PLCG1: variants seen among roughly 807,000 people sequenced by gnomAD.
The protein encoded by PLCG1 is phospholipase C gamma 1, also known as 1-phosphatidylinositol 4,5-bisphosphate phosphodiesterase gamma-1.
Under a neutral mutation model 177.8 loss-of-function variants are expected in PLCG1, and 71 were observed. The ratio of observed to expected loss-of-function variants is 0.40; its 90% confidence interval spans 0.33 to 0.49. PLCG1 has a LOEUF of 0.49. PLCG1 is among the 20% of genes least tolerant of loss of function. The pLI is 0.72. For synonymous variants in PLCG1, 658 were observed against 647.9 expected, an observed-to-expected ratio of 1.02 and a Z score of -0.24; for missense variants, 1,281 against 1,709.0, an observed-to-expected ratio of 0.75 and a Z score of 4.42.
In PLCG1 at chr20:41,144,520, G is replaced by A. The variant is rs371816530; in HGVS notation, c.217+6662G>A. ...GACCTTTCCCACACTCCTACATGGG[G>A]GTGAATGTAGCCGCTGATTGGGGGT... On this transcript the variant is annotated intron_variant, in intron 1 of 31. Coordinates refer to ENST00000685551, the MANE Select transcript of PLCG1 (RefSeq NM_002660.3). This position sits in a 1 kb window ranked among gnomAD's most constrained non-coding sequence, Gnocchi z 4.1. 1.3e-5 allele frequency among the ~76,000 whole-genome samples: 2 copies of A among 152,108 alleles called. No homozygotes were observed. The highest frequency in any genetic ancestry group is 4.8e-5 in the African/African-American group (2 of 41,414).
chr20:41,173,637 T>C lies in PLCG1; in HGVS notation c.3395-15T>C. On this transcript the variant is annotated splice_polypyrimidine_tract_variant and intron_variant, in intron 28 of 31. Coordinates refer to ENST00000685551, the MANE Select transcript of PLCG1 (RefSeq NM_002660.3). The surrounding 1 kb of genome is among the most constrained non-coding windows in gnomAD (Gnocchi z 6.2). ...TCCCACGGTGACCTGAAGCCTTTTG[T>C]CGTTGCCTTCACAGTGGACAATGGA... is the stretch of plus-strand genomic sequence containing the variant. The C allele has an allele frequency of 6.2e-7, 1 of 1,614,204 alleles. No individual in the cohort carries two copies.
In PLCG1 at chr20:41,147,673, A is replaced by AT. The variant is rs1429334155; in HGVS notation, c.217+9816dup. ...AGACCAGCCTGGCTAAGATGGTGAA[A>AT]TCCCATCTCTACTAAAAATACAAAA... On this transcript the variant is annotated intron_variant, in intron 1 of 31. Transcript: ENST00000685551. This position sits in a 1 kb window ranked among gnomAD's most constrained non-coding sequence, Gnocchi z 4.0. Among the ~76,000 whole-genome samples the AT allele has an allele frequency of 6.6e-6, 1 of 152,116 alleles. No individual in the cohort carries two copies. The highest frequency in any genetic ancestry group is 1.5e-5 in the Non-Finnish European group (1 of 68,010).
At position 41,166,952 on chromosome 20, in the gene PLCG1, G is replaced by A; in HGVS notation, c.2301+93G>A. 1 of 1,259,140 alleles carries A rather than the reference G, an allele frequency of 7.9e-7. No homozygotes were observed. Among genetic ancestry groups the A allele is most frequent in the Non-Finnish European group, 1.1e-6 (1 of 875,216 alleles). The allele number at this position is 1,259,140 out of a possible 1,614,324, so 78.0% of individuals were successfully genotyped here. On this transcript the variant is annotated intron_variant, in intron 19 of 31. Coordinates refer to ENST00000685551, the MANE Select transcript of PLCG1 (RefSeq NM_002660.3). This position sits in a 1 kb window ranked among gnomAD's most constrained non-coding sequence, Gnocchi z 8.6. Reference sequence around the variant, plus strand: ...TGGATGTGTGTAACAGCAAGACCTGGTGTGTTGTAGAAGTTCGTGGGAGGG... The same window carrying A: ...TGGATGTGTGTAACAGCAAGACCTGATGTGTTGTAGAAGTTCGTGGGAGGG...
chr20:41,137,832 G>GGGGCGC lies in PLCG1; in HGVS notation c.192_197dup (p.Gly65_Ala66dup). 7.7e-7 allele frequency: 1 copy of GGGGCGC among 1,296,166 alleles called. No homozygotes were observed. Among genetic ancestry groups the GGGGCGC allele is most frequent in the South Asian group, 3.2e-5 (1 of 30,962 alleles). The allele number at this position is 1,296,166 out of a possible 1,614,324, so 80.3% of individuals were successfully genotyped here. The stretch of plus-strand genomic sequence containing the variant: ...GAGACGCGCCAGATCACGTGGAGCC[G>GGGGCGC]GGGCGCCGACAAGATCGAGGGGGCC... On this transcript the variant is annotated inframe_insertion, in exon 1 of 32. Coordinates refer to ENST00000685551, the MANE Select transcript of PLCG1 (RefSeq NM_002660.3). This position sits in a 1 kb window ranked among gnomAD's most constrained non-coding sequence, Gnocchi z 7.3.
In PLCG1 at chr20:41,169,177, T is replaced by TA. The variant is rs750302731; in HGVS notation, c.2580+4dup. On this transcript the variant is annotated splice_region_variant and intron_variant, in intron 22 of 31. Coordinates refer to ENST00000685551, the MANE Select transcript of PLCG1 (RefSeq NM_002660.3). ...GTGGCCCTGGAGCCGGAGAGGGAGG[T>TA]AAGACCAGAACCACCTGAGTAACAG... 2.5e-6 allele frequency: 4 copies of TA among 1,599,328 alleles called. No individual in the cohort carries two copies. The highest frequency in any genetic ancestry group is 3.4e-6 in the Non-Finnish European group (4 of 1,166,694).
chr20:41,168,123 C>T (rs2035765069), intron 20 of PLCG1, among the ~76,000 whole-genome samples, 194 bp downstream of exon 20: 1 of 152,170 alleles, frequency 6.6e-6, no homozygotes, highest in Non-Finnish European at 1.5e-5. Context: ...ACTCCCTAGC[C>T]CCTACCCCTT....
At chr20:41,140,390 G>A (rs989553533) in intron 1 of PLCG1, among the ~76,000 whole-genome samples, 1 of 152,148 alleles carries the variant, frequency 6.6e-6, no homozygotes, top group Admixed American at 6.5e-5. Context: ...ACTGCCAGCC[G>A]GGTTTTCTGC....
intron 21 of PLCG1, 63 bp downstream of exon 21, chr20:41,168,933 C>A: frequency 1.6e-6 from 2 of 1,243,152 alleles, no homozygotes; most frequent in Non-Finnish European, 2.4e-6. Context: ...GCCCCAAAGA[C>A]ATGCATTTGT....
At position 41,166,638 on chromosome 20, in the gene PLCG1, G is replaced by C. The variant is rs2035703944; in HGVS notation, c.2121-41G>C. 6.2e-7 allele frequency: 1 copy of C among 1,614,106 alleles called. No individual in the cohort carries two copies. The highest frequency in any genetic ancestry group is 8.5e-7 in the Non-Finnish European group (1 of 1,179,992). ...GGGTTGTGGGGCCTTGCTTGGGTCT[G>C]AGCTGCCCTGACCCTGTGTGACTGT... On this transcript the variant is annotated intron_variant, in intron 18 of 31. Transcript: ENST00000685551. The surrounding 1 kb of genome is among the most constrained non-coding windows in gnomAD (Gnocchi z 8.6).
In PLCG1 at chr20:41,160,218, C is replaced by A; in HGVS notation, c.512+65C>A. Reference sequence around the variant, plus strand: ...ATGGGCATCCAGAACCTTAGCCAGGCCTCTAAGTAGCTGCCCGGAGAGCCA... The same window carrying A: ...ATGGGCATCCAGAACCTTAGCCAGGACTCTAAGTAGCTGCCCGGAGAGCCA... On this transcript the variant is annotated intron_variant, in intron 4 of 31. Coordinates refer to ENST00000685551, the MANE Select transcript of PLCG1 (RefSeq NM_002660.3). This position sits in a 1 kb window ranked among gnomAD's most constrained non-coding sequence, Gnocchi z 5.5. 1 of 1,448,630 alleles carries A rather than the reference C, an allele frequency of 6.9e-7. No individual in the cohort carries two copies. The highest frequency in any genetic ancestry group is 9.7e-7 in the Non-Finnish European group (1 of 1,032,304). 89.7% of individuals were successfully genotyped at this position (1,448,630 alleles called of 1,614,324 possible).
intron 1 of PLCG1, chr20:41,138,104 G>T (rs1013500309): frequency 2.9e-5 from 10 of 346,264 alleles, no homozygotes; most frequent in Non-Finnish European, 5.2e-5. Flanking sequence ...CAGGCGCTTT[G>T]CCCTGAGGCC....
rs574342552 is a variant in PLCG1, at chr20:41,147,992, C to T, written c.217+10134C>T. ...AAGCAAAAAGGGAACAGGAGAGTGGCTTGGCTTGGGCTGGCATGGCGCAAA... is the reference window on the plus strand; with the variant it reads ...AAGCAAAAAGGGAACAGGAGAGTGGTTTGGCTTGGGCTGGCATGGCGCAAA... On this transcript the variant is annotated intron_variant, in intron 1 of 31. Transcript: ENST00000685551. The surrounding 1 kb of genome is among the most constrained non-coding windows in gnomAD (Gnocchi z 4.0). Among the ~76,000 whole-genome samples the T allele has an allele frequency of 6.6e-5, 10 of 152,244 alleles. No individual in the cohort carries two copies. In the South Asian group the frequency reaches 1.0e-3, roughly 16 times the overall value.
At position 41,144,267 on chromosome 20, in the gene PLCG1, T is replaced by C. The variant is rs2034927102; in HGVS notation, c.217+6409T>C. 6.6e-6 allele frequency among the ~76,000 whole-genome samples: 1 copy of C among 152,212 alleles called. No individual in the cohort carries two copies. The highest frequency in any genetic ancestry group is 1.5e-5 in the Non-Finnish European group (1 of 68,034). On this transcript the variant is annotated intron_variant, in intron 1 of 31. Coordinates refer to ENST00000685551, the MANE Select transcript of PLCG1 (RefSeq NM_002660.3). The surrounding 1 kb of genome is among the most constrained non-coding windows in gnomAD (Gnocchi z 4.1). ...ATCCTAGGATTTCAGATTCCTGCTA[T>C]AGTATTCAGTTTATTCTCCCATTCT... is the stretch of plus-strand genomic sequence containing the variant.
At chr20:41,141,759 C>T (rs1243093979) in intron 1 of PLCG1, among the ~76,000 whole-genome samples, 1 of 152,226 alleles carries the variant, frequency 6.6e-6, no homozygotes, top group Non-Finnish European at 1.5e-5. Context: ...GCCCCCCCGC[C>T]CAGCTGGGAT....
At chr20:41,142,387 G>A (rs1001815081) in intron 1 of PLCG1, among the ~76,000 whole-genome samples, 1 of 152,252 alleles carries the variant, frequency 6.6e-6, no homozygotes, top group Non-Finnish European at 1.5e-5. Flanking sequence ...GGCGACGGGA[G>A]TCAGCGGAGG....
In PLCG1 at chr20:41,163,464, C is replaced by G; in HGVS notation, c.876C>G (p.Tyr292Ter). 6.2e-7 allele frequency: 1 copy of G among 1,609,874 alleles called. No homozygotes were observed. The change falls in exon 9 of 32, where the codon TAC becomes TAG. Residue 292 changes from tyrosine (Y) to a stop codon, truncating the protein, a stop_gained. Transcript: ENST00000685551. LOFTEE classifies it high-confidence loss of function. The surrounding 1 kb of genome is among the most constrained non-coding windows in gnomAD (Gnocchi z 5.2). Reference protein sequence around the residue: ...RDPLREIEEPYFFLDEFVTFL... With the variant: ...RDPLREIEEP ...CCTTACGAGAGATCGAGGAGCCATACTTCTTCCTGGATGAGGTGAGCCCGA... is the reference window on the plus strand; with the variant it reads ...CCTTACGAGAGATCGAGGAGCCATAGTTCTTCCTGGATGAGGTGAGCCCGA...
In PLCG1 at chr20:41,151,032, A is replaced by G. The variant is rs943176717; in HGVS notation, c.218-8574A>G. The stretch of plus-strand genomic sequence containing the variant: ...GATAAATGTTTGATCAGATGATGGA[A>G]TGAATGACTGCATAAGCCGAATAGA... On this transcript the variant is annotated intron_variant, in intron 1 of 31. Transcript: ENST00000685551. The surrounding 1 kb of genome is among the most constrained non-coding windows in gnomAD (Gnocchi z 5.5). Among the ~76,000 whole-genome samples the G allele has an allele frequency of 2.0e-5, 3 of 152,222 alleles. No individual in the cohort carries two copies. The highest frequency in any genetic ancestry group is 2.9e-5 in the Non-Finnish European group (2 of 68,040).
Position 41,137,868 on chromosome 20 carries a change from C to G in PLCG1, c.217+10C>G, listed in dbSNP as rs2034649659. 1 of 1,264,514 alleles carries G rather than the reference C, an allele frequency of 7.9e-7. No homozygotes were observed. The allele number at this position is 1,264,514 out of a possible 1,614,324, so 78.3% of individuals were successfully genotyped here. Reference sequence around the variant, plus strand: ...AAGATCGAGGGGGCCAGTAAGTGCGCCCACTTCCTGCCTGGGCCCGCCCCG... The same window carrying G: ...AAGATCGAGGGGGCCAGTAAGTGCGGCCACTTCCTGCCTGGGCCCGCCCCG... On this transcript the variant is annotated intron_variant, in intron 1 of 31. Coordinates refer to ENST00000685551, the MANE Select transcript of PLCG1 (RefSeq NM_002660.3). The surrounding 1 kb of genome is among the most constrained non-coding windows in gnomAD (Gnocchi z 7.3).
In PLCG1 at chr20:41,153,979, A is replaced by C. The variant is rs763085459; in HGVS notation, c.218-5627A>C. 2.6e-5 allele frequency among the ~76,000 whole-genome samples: 4 copies of C among 152,186 alleles called. No individual in the cohort carries two copies. Among genetic ancestry groups the C allele is most frequent in the Non-Finnish European group, 5.9e-5 (4 of 68,028 alleles). ...TTATGGTTTTCTTGGCCATATCTTC[A>C]TCATTTGGTGGGTTTAGTTTTCAAT... is the stretch of plus-strand genomic sequence containing the variant. On this transcript the variant is annotated intron_variant, in intron 1 of 31. Transcript: ENST00000685551. This position sits in a 1 kb window ranked among gnomAD's most constrained non-coding sequence, Gnocchi z 5.1.
Sources: gnomAD v4.1 joint callset for allele counts (sites outside exome capture counted in the v4.1 genomes callset) on GRCh38, gnomAD v4.1.1 for gene constraint, Gnocchi (gnomAD v3.1) non-coding constraint, MANE v1.5 for transcripts, NCBI Gene and HGNC (gene_info 2026-07-23, HGNC 2026-07-21) for gene names.